Variants in PRKDC observed in about 807,000 individuals in gnomAD.
The protein encoded by PRKDC is DNA-dependent protein kinase catalytic subunit.
PRKDC carries 82 observed loss-of-function variants against 486.9 expected under a neutral mutation model. The ratio of observed to expected loss-of-function variants is 0.17; its 90% CI spans 0.14 to 0.20. PRKDC has a LOEUF of 0.20. Among genes scored for constraint, PRKDC ranks in the 10% least tolerant of loss-of-function variants. The probability of loss-of-function intolerance (pLI) is 1.00; values close to 1 mark genes in which losing one functional copy is unlikely to be tolerated. For missense variants in PRKDC, 4,504 were observed against 5,038.2 expected, an observed-to-expected ratio of 0.89 and a Z score of 3.21; for synonymous variants, 1,895 against 1,837.0, an observed-to-expected ratio of 1.03 and a Z score of -0.81.
At chr8:47,910,037 C>T (rs140684565) in intron 25 of PRKDC, among the ~76,000 whole-genome samples, 192 of 152,228 alleles carry the variant, frequency 1.3e-3, no homozygotes, top group Non-Finnish European at 2.4e-3. Context: ...TTTTAAAATC[C>T]CTAATAAAAA....
intron 54 of PRKDC, among the ~76,000 whole-genome samples, chr8:47,845,735 C>T (rs1487618711): frequency 6.6e-6 from 1 of 150,438 alleles, no homozygotes; most frequent in Non-Finnish European, 1.5e-5. Flanking sequence ...GATGGATTCA[C>T]AGCTGAATTC....
chr8:47,852,451 C>A (rs181616257), intron 52 of PRKDC, among the ~76,000 whole-genome samples: 1 of 152,204 alleles, frequency 6.6e-6, no homozygotes, highest in Non-Finnish European at 1.5e-5. Flanking sequence ...CTGATCTCTC[C>A]ACGTTCACCA....
In PRKDC at chr8:47,888,524, C is replaced by T. The variant is rs763108417; in HGVS notation, c.4407G>A (p.Pro1469=). The T allele has an allele frequency of 6.0e-5, 93 of 1,544,948 alleles. No homozygotes were observed. Among genetic ancestry groups the T allele is most frequent in the Middle Eastern group, 5.0e-4 (3 of 5,972 alleles). The change falls in exon 34 of 86, where the codon CCG becomes CCA. Residue 1469 remains proline, a synonymous_variant. Coordinates refer to ENST00000314191, the MANE Select transcript of PRKDC (RefSeq NM_006904.7). The part of the protein sequence containing the change: ...HRAGLLHNIL[P]SQSTDLHHSV... ...AACAATAAGTTATAGTTACCTGAGA[C>T]GGTAATATATTATGCAGAAGCCCAG...
intron 65 of PRKDC, 147 bp downstream of exon 65, chr8:47,821,457 T>C: frequency 2.9e-6 from 2 of 697,490 alleles, no homozygotes; most frequent in Non-Finnish European, 2.4e-6. Flanking sequence ...TTAACAATAC[T>C]ATGGGGTTTG....
chr8:47,793,112 G>C (rs568473712), intron 74 of PRKDC, among the ~76,000 whole-genome samples: 2 of 152,290 alleles, frequency 1.3e-5, no homozygotes, highest in African/African-American at 4.8e-5. Flanking sequence ...ATGAACTCTT[G>C]GCCTCAAGCG....
At chr8:47,904,568 C>A (rs369065357) in intron 26 of PRKDC, among the ~76,000 whole-genome samples, 1 of 152,126 alleles carries the variant, frequency 6.6e-6, no homozygotes, top group African/African-American at 2.4e-5. Flanking sequence ...CCAAGGTGGG[C>A]GGATCACTTG....
intron 61 of PRKDC, 91 bp downstream of exon 61, chr8:47,830,514 C>A: frequency 6.6e-7 from 1 of 1,517,746 alleles, no homozygotes; most frequent in Non-Finnish European, 9.0e-7. Context: ...TGTTGCAGGA[C>A]AGCCTCAGCC....
rs1430439397 is a variant in PRKDC, at chr8:47,882,090, G to C, written c.4784C>G (p.Ala1595Gly). Residue 1595 changes from alanine to glycine, a missense_variant, in exon 37 of 86, where the codon GCC becomes GGC. Physicochemically the swap from Ala to Gly is moderately conservative, Grantham distance 60. Transcript: ENST00000314191. ...CTGGTCTAACATGCCGTTCAAAACG[G>C]CACTCACCTGAGACAATTTCGTTGT... Reference protein sequence around the residue: ...SSVDNTKMVSAVLNGMLDQSF... With the variant: ...SSVDNTKMVSGVLNGMLDQSF... The C allele has an allele frequency of 1.9e-6, 3 of 1,607,820 alleles. No individual in the cohort carries two copies. The highest frequency in any genetic ancestry group is 2.2e-5 in the East Asian group (1 of 44,746).
chr8:47,936,036 G>T, intron 12 of PRKDC, 136 bp from the exon 13 acceptor site: 1 of 902,294 alleles, frequency 1.1e-6, no homozygotes, highest in Non-Finnish European at 1.6e-6. Context: ...CTAACCTGCT[G>T]CTTAACATGT....
chr8:47,955,229 G>A (rs531129652), intron 4 of PRKDC, among the ~76,000 whole-genome samples: 1 of 151,118 alleles, frequency 6.6e-6, no homozygotes, highest in Non-Finnish European at 1.5e-5. Flanking sequence ...TTGGGAGGCC[G>A]AGGCGGGCGG....
At position 47,823,957 on chromosome 8, in the gene PRKDC, C is replaced by T; in HGVS notation, c.8823G>A (p.Gly2941=). The T allele has an allele frequency of 1.2e-6, 2 of 1,613,484 alleles. No individual in the cohort carries two copies. Among genetic ancestry groups the T allele is most frequent in the Non-Finnish European group, 1.7e-6 (2 of 1,179,622 alleles). ...RSIGEYDVLR[G]IFTSEIGTKQ... The stretch of plus-strand genomic sequence containing the variant: ...TTGTTCCTATCTCACTGGTAAAAAT[C>T]CCACGGAGGACGTCGTATTCTCCAA... The change falls in exon 64 of 86, where the codon GGG becomes GGA. Residue 2941 remains glycine (G), a synonymous_variant. Coordinates refer to ENST00000314191, the MANE Select transcript of PRKDC (RefSeq NM_006904.7).
intron 30 of PRKDC, among the ~76,000 whole-genome samples, chr8:47,893,796 TTTGTTAA>T (rs1278859947): frequency 2.6e-5 from 4 of 152,220 alleles, no homozygotes; most frequent in African/African-American, 9.7e-5. Context: ...AAGTGCAGTG[TTTGTTAA>T]ATAAGAGAAT....
chr8:47,934,863 G>C (rs530590035), intron 14 of PRKDC, 146 bp downstream of exon 14: 1 of 582,308 alleles, frequency 1.7e-6, no homozygotes, highest in African/African-American at 1.9e-5. Flanking sequence ...GAGGTATTAT[G>C]TCCTACACTT....
intron 36 of PRKDC, among the ~76,000 whole-genome samples, chr8:47,885,662 C>T (rs1428786408): frequency 6.6e-6 from 1 of 151,886 alleles, no homozygotes; most frequent in Non-Finnish European, 1.5e-5. Flanking sequence ...GGAGGCCAAA[C>T]TGGGCGGATC....
intron 20 of PRKDC, 68 bp downstream of exon 20, chr8:47,927,703 G>C (rs1303454845): frequency 2.1e-6 from 3 of 1,414,264 alleles, no homozygotes; most frequent in African/African-American, 1.5e-5. Flanking sequence ...GCAAGAGGAT[G>C]GTGTTTCTAT....
intron 74 of PRKDC, among the ~76,000 whole-genome samples, chr8:47,792,821 G>A (rs1304195859): frequency 1.3e-5 from 2 of 152,170 alleles, no homozygotes; most frequent in Admixed American, 6.5e-5. Flanking sequence ...TGATGTTGAC[G>A]TTTTGACGTA....
chr8:47,785,253 A>C lies in PRKDC; in HGVS notation c.10967T>G (p.Leu3656Arg), dbSNP rs1282061765. ...GTTGGTAATGTCGTTGAAGTCACTG[A>C]GCTTCATTCTCAGTAGTTTAGAACC... Reference protein sequence around the residue: ...KGGSKLLRMKLSDFNDITNML... With the variant: ...KGGSKLLRMKRSDFNDITNML... Residue 3656 changes from leucine to arginine, a missense_variant, in exon 77 of 86, where the codon CTC becomes CGC. By Grantham distance (102) the Leu-to-Arg change is moderately radical. Transcript: ENST00000314191. 3 of 1,613,310 alleles carry C rather than the reference A, an allele frequency of 1.9e-6. No individual in the cohort carries two copies. The highest frequency in any genetic ancestry group is 2.7e-5 in the African/African-American group (2 of 74,926).
intron 54 of PRKDC, among the ~76,000 whole-genome samples, chr8:47,844,480 G>T (rs561091169): frequency 6.6e-6 from 1 of 152,116 alleles, no homozygotes; most frequent in South Asian, 2.1e-4. Flanking sequence ...GTGTTAGATA[G>T]ATCAGGAAGG....
intron 40 of PRKDC, 62 bp downstream of exon 40, chr8:47,877,662 G>A: frequency 7.1e-7 from 1 of 1,402,086 alleles, no homozygotes; most frequent in Non-Finnish European, 9.4e-7. Context: ...GAACAGAGAG[G>A]ATAATTTCCC....
Sources: gnomAD v4.1 joint callset for allele counts (sites outside exome capture counted in the v4.1 genomes callset) on GRCh38, gnomAD v4.1.1 for gene constraint, MANE v1.5 for transcripts, NCBI Gene and HGNC (gene_info 2026-07-23, HGNC 2026-07-21) for gene names.